CFAP57: variants seen among roughly 807,000 people sequenced by gnomAD.
The protein encoded by CFAP57 is cilia- and flagella-associated protein 57.
A neutral mutation model predicts 146.8 loss-of-function variants in CFAP57; 116 were observed. The observed-to-expected ratio is 0.79, with a 90% CI of 0.68 to 0.92. The LOEUF is 0.92. CFAP57 is among the 40% of genes least tolerant of loss of function. CFAP57 has a pLI of 0.00. For synonymous variants in CFAP57, 518 were observed against 552.8 expected, an observed-to-expected ratio of 0.94 and a Z score of 0.88; for missense variants, 1,377 against 1,527.2, an observed-to-expected ratio of 0.90 and a Z score of 1.64.
At chr1:43,228,147 C>T (rs1254562095) in intron 18 of CFAP57, among the ~76,000 whole-genome samples, 2 of 152,176 alleles carry the variant, frequency 1.3e-5, no homozygotes, top group Admixed American at 1.3e-4. Flanking sequence ...CCCAGTCAGG[C>T]CCACAAGGTC....
At chr1:43,218,026 C>A (rs1319265710) in intron 12 of CFAP57, among the ~76,000 whole-genome samples, 1 of 152,192 alleles carries the variant, frequency 6.6e-6, no homozygotes, top group Non-Finnish European at 1.5e-5. Flanking sequence ...TTGTGCTTAT[C>A]CTTCTTCTCA....
chr1:43,194,925 G>GT (rs1014999949), intron 6 of CFAP57: 1 of 152,090 alleles, frequency 6.6e-6, no homozygotes, highest in African/African-American at 2.4e-5. Context: ...AAGCCTTTGG[G>GT]TGCTGCCGTA....
In CFAP57 at chr1:43,221,383, A is replaced by C. The variant is rs1423356893; in HGVS notation, c.2259A>C (p.Thr753=). The C allele has an allele frequency of 6.5e-7, 1 of 1,542,886 alleles. No homozygotes were observed. The highest frequency in any genetic ancestry group is 8.8e-7 in the Non-Finnish European group (1 of 1,142,814). The change falls in exon 14 of 23, where the codon ACA becomes ACC. Residue 753 remains threonine, a synonymous_variant. Coordinates refer to ENST00000372492, the MANE Select transcript of CFAP57 (RefSeq NM_001378189.1). ...SLKTKNQVLR[T]EKEKQDVYHH... is the part of the protein sequence containing the mutation. ...TGACTCTGTTTTAGGTCTTAAGAAC[A>C]GAAAAAGAGAAGCAGGATGTTTATC...
chr1:43,249,812 A>G (rs547932915), intron 22 of CFAP57, among the ~76,000 whole-genome samples: 1 of 151,966 alleles, frequency 6.6e-6, no homozygotes, highest in Admixed American at 6.6e-5. Context: ...AGTTAAATAC[A>G]TAGATATTTT....
In CFAP57 at chr1:43,243,205, C is replaced by T. The variant is rs1290651385; in HGVS notation, c.3406-22C>T. 4.5e-6 allele frequency: 7 copies of T among 1,548,828 alleles called. No homozygotes were observed. In the East Asian group the frequency reaches 1.7e-4, roughly 38 times the overall value. On this transcript the variant is annotated intron_variant, in intron 21 of 22. Coordinates refer to ENST00000372492, the MANE Select transcript of CFAP57 (RefSeq NM_001378189.1). ...GACCACTCATCCATCCACCCTCCCT[C>T]TCTCTTCCCCCTTTTCTGCAGGAAA...
At chr1:43,217,853 C>CT (rs1557791234) in intron 12 of CFAP57, among the ~76,000 whole-genome samples, 1 of 152,166 alleles carries the variant, frequency 6.6e-6, no homozygotes, top group East Asian at 1.9e-4. Context: ...TGGAAGCCCT[C>CT]TAAGATAAAA....
chr1:43,185,678 C>CAA (rs57421849), intron 5 of CFAP57, among the ~76,000 whole-genome samples: 10 of 65,660 alleles, frequency 1.5e-4, no homozygotes, highest in African/African-American at 2.5e-4. Context: ...CCCATCTCTA[C>CAA]AAAAAAAAAA....
At chr1:43,200,468 C>G (rs992671786) in intron 9 of CFAP57, among the ~76,000 whole-genome samples, 3 of 128,582 alleles carry the variant, frequency 2.3e-5, no homozygotes, top group Non-Finnish European at 4.8e-5. Context: ...GCCTGGGTGA[C>G]AAGAGTAAGA....
intron 17 of CFAP57, among the ~76,000 whole-genome samples, chr1:43,224,438 T>C (rs915714399): frequency 6.6e-6 from 1 of 152,220 alleles, no homozygotes; most frequent in African/African-American, 2.4e-5. Flanking sequence ...AGTGTTATGG[T>C]TCGGGAAGCT....
intron 21 of CFAP57, among the ~76,000 whole-genome samples, chr1:43,242,095 C>T (rs2124657667): frequency 6.6e-6 from 1 of 152,288 alleles, no homozygotes; most frequent in East Asian, 1.9e-4. Flanking sequence ...GCAGGTCTCC[C>T]CCACCCCCAT....
In CFAP57 at chr1:43,230,548, C is replaced by G. The variant is rs1810969; in HGVS notation, c.3010-1960C>G. ...CAGCCTCTTCTCCCTCCCCTCTCCCCCCTCTTCAAATCCCTGCTCCTGCAG... is the reference window on the plus strand; with the variant it reads ...CAGCCTCTTCTCCCTCCCCTCTCCCGCCTCTTCAAATCCCTGCTCCTGCAG... On this transcript the variant is annotated intron_variant, in intron 18 of 22. Coordinates refer to ENST00000372492, the MANE Select transcript of CFAP57 (RefSeq NM_001378189.1). 2.9e-3 allele frequency among the ~76,000 whole-genome samples: 443 copies of G among 152,290 alleles called. 1 individual carries two copies. Among genetic ancestry groups the G allele is most frequent in the African/African-American group, 0.01 (419 of 41,560 alleles).
chr1:43,217,637 ACCTCTCCATT>A (rs1167953797), intron 12 of CFAP57, among the ~76,000 whole-genome samples: 7 of 151,142 alleles, frequency 4.6e-5, no homozygotes, highest in Admixed American at 4.6e-4. Context: ...ACTCTCTCCA[ACCTCTCCATT>A]CCTCTCTGGT....
intron 9 of CFAP57, among the ~76,000 whole-genome samples, chr1:43,202,816 G>T (rs1257541051): frequency 4.0e-5 from 6 of 151,006 alleles, no homozygotes; most frequent in Non-Finnish European, 7.4e-5. Flanking sequence ...AAATTGAAAG[G>T]ATATTATGAA....
intron 22 of CFAP57, among the ~76,000 whole-genome samples, chr1:43,247,084 T>C (rs2991993): frequency 0.039 from 5,989 of 152,310 alleles, 193 homozygotes; most frequent in African/African-American, 0.086. Flanking sequence ...AGTTCCACTT[T>C]CATCCACCTC....
intron 16 of CFAP57, among the ~76,000 whole-genome samples, chr1:43,223,664 C>T (rs182984997): frequency 2.0e-5 from 3 of 152,262 alleles, no homozygotes; most frequent in South Asian, 2.1e-4. Context: ...TAAGATGGCT[C>T]ATCAGTTAGG....
intron 22 of CFAP57, among the ~76,000 whole-genome samples, chr1:43,244,811 G>A (rs796377000): frequency 3.9e-5 from 6 of 152,232 alleles, no homozygotes; most frequent in African/African-American, 1.4e-4. Context: ...GCTGAGGCAG[G>A]AGAATCACTT....
At chr1:43,200,487 GAAAA>G (rs527330489) in intron 9 of CFAP57, among the ~76,000 whole-genome samples, 2 of 129,408 alleles carry the variant, frequency 1.5e-5, no homozygotes, top group African/African-American at 6.1e-5. Flanking sequence ...GACCCTGTCT[GAAAA>G]AAAAAAAGAA....
intron 5 of CFAP57, 104 bp from the exon 6 acceptor site, chr1:43,186,603 T>A (rs1389992748): frequency 2.5e-6 from 3 of 1,197,572 alleles, no homozygotes; most frequent in East Asian, 5.0e-5. Context: ...AGAGCGAGAC[T>A]CCGTCTCAAA....
chr1:43,252,209 C>T (rs759649473), intron 22 of CFAP57, among the ~76,000 whole-genome samples: 7 of 151,768 alleles, frequency 4.6e-5, no homozygotes, highest in Non-Finnish European at 8.8e-5. Context: ...CAAAATAGAA[C>T]GAATTAAGAA....
Sources: gnomAD v4.1 joint callset for allele counts (sites outside exome capture counted in the v4.1 genomes callset) on GRCh38, gnomAD v4.1.1 for gene constraint, MANE v1.5 for transcripts, NCBI Gene and HGNC (gene_info 2026-07-23, HGNC 2026-07-21) for gene names.